Variants in HS6ST3 observed in about 807,000 individuals in gnomAD.
HS6ST3 encodes heparan sulfate 6-O-sulfotransferase 3, also known as heparan-sulfate 6-O-sulfotransferase 3.
HS6ST3 carries 12 observed loss-of-function variants against 36.7 expected under a neutral mutation model. That is an observed-to-expected ratio of 0.33 (90% CI 0.21 to 0.53). The LOEUF is 0.53. Ranked by LOEUF, HS6ST3 falls within the 20% of genes least tolerant of loss-of-function variation. HS6ST3 has a pLI of 0.95. For missense variants in HS6ST3, 584 were observed against 640.9 expected, an observed-to-expected ratio of 0.91 and a Z score of 0.96; for synonymous variants, 240 against 257.5, an observed-to-expected ratio of 0.93 and a Z score of 0.65.
In HS6ST3 at chr13:96,303,650, A is replaced by G. The variant is rs912800660; in HGVS notation, c.707+212081A>G. Reference sequence around the variant, plus strand: ...AACACAGGCCTGTATGGCACAGGAAAGATGCCTGAGATCTGAAAAAATATC... The same window carrying G: ...AACACAGGCCTGTATGGCACAGGAAGGATGCCTGAGATCTGAAAAAATATC... On this transcript the variant is annotated intron_variant, in intron 1 of 1. Transcript: ENST00000376705. Among the ~76,000 whole-genome samples the G allele has an allele frequency of 2.0e-5, 3 of 152,346 alleles. 1 individual carries two copies. The highest frequency in any genetic ancestry group is 2.0e-4 in the Admixed American group (3 of 15,308).
chr13:96,512,771 G>T (rs901064174), intron 1 of HS6ST3, among the ~76,000 whole-genome samples: 3 of 151,826 alleles, frequency 2.0e-5, no homozygotes, highest in African/African-American at 7.3e-5. Context: ...AATTCCAGTG[G>T]TTTATCTGTT....
chr13:96,595,625 T>C (rs1371489623), intron 1 of HS6ST3, among the ~76,000 whole-genome samples: 2 of 152,134 alleles, frequency 1.3e-5, no homozygotes, highest in Non-Finnish European at 2.9e-5. Flanking sequence ...ATAAGCTTTA[T>C]AGCCCTTTAT....
intron 1 of HS6ST3, among the ~76,000 whole-genome samples, chr13:96,267,477 T>A (rs2054698065): frequency 6.6e-6 from 1 of 152,232 alleles, no homozygotes; most frequent in Non-Finnish European, 1.5e-5. Flanking sequence ...TAAGCTATTT[T>A]ATTTCTACTT....
intron 1 of HS6ST3, among the ~76,000 whole-genome samples, chr13:96,128,098 A>G (rs143783537): frequency 2.3e-4 from 35 of 152,306 alleles, no homozygotes; most frequent in African/African-American, 7.9e-4. Flanking sequence ...TGATTACTGT[A>G]TGTTAAGTAC....
rs2053760686 is a variant in HS6ST3, at chr13:96,091,096, C to T, written c.234C>T (p.Pro78=). 2 of 1,348,880 alleles carry T rather than the reference C, an allele frequency of 1.5e-6. No homozygotes were observed. Among genetic ancestry groups the T allele is most frequent in the Non-Finnish European group, 1.9e-6 (2 of 1,057,006 alleles). The allele number at this position is 1,348,880 out of a possible 1,614,324, so 83.6% of individuals were successfully genotyped here. A position where few individuals can be genotyped will look rare whatever the true frequency, so the allele number is the denominator to read the frequency against. ...AGTTGCCCCCGCCGCCCCGGGGGCCCCCCGAGGGACCTCGGGGGGCCGCGG... is the reference window on the plus strand; with the variant it reads ...AGTTGCCCCCGCCGCCCCGGGGGCCTCCCGAGGGACCTCGGGGGGCCGCGG... ...RPQLPPPPRG[P]PEGPRGAAAP... The change falls in exon 1 of 2, where the codon CCC becomes CCT. Residue 78 remains proline, a synonymous_variant. Coordinates refer to ENST00000376705, the MANE Select transcript of HS6ST3 (RefSeq NM_153456.4).
At chr13:96,166,829 G>A (rs932167103) in intron 1 of HS6ST3, among the ~76,000 whole-genome samples, 8 of 152,168 alleles carry the variant, frequency 5.3e-5, no homozygotes, top group African/African-American at 1.4e-4. Context: ...GCAGGGACCA[G>A]TGGGAGGTAA....
intron 1 of HS6ST3, among the ~76,000 whole-genome samples, chr13:96,280,902 C>G (rs1400206837): frequency 6.6e-6 from 1 of 152,170 alleles, no homozygotes; most frequent in Non-Finnish European, 1.5e-5. Flanking sequence ...AGATTCAAGT[C>G]AAAGTAACAA....
intron 1 of HS6ST3, among the ~76,000 whole-genome samples, chr13:96,733,055 T>C (rs1876200306): frequency 6.6e-6 from 1 of 152,210 alleles, no homozygotes; most frequent in Non-Finnish European, 1.5e-5. Flanking sequence ...TAGGGTTTCC[T>C]ATATAAGATG....
At chr13:96,765,603 T>TCC (rs1483806747) in intron 1 of HS6ST3, among the ~76,000 whole-genome samples, 1 of 148,132 alleles carries the variant, frequency 6.8e-6, no homozygotes, top group Non-Finnish European at 1.5e-5. Flanking sequence ...TCTCTCTCTC[T>TCC]CTCTCTCTCT....
At chr13:96,633,796 C>T (rs918957592) in intron 1 of HS6ST3, among the ~76,000 whole-genome samples, 10 of 152,196 alleles carry the variant, frequency 6.6e-5, no homozygotes, top group Middle Eastern at 3.4e-3. Context: ...AGAATGGGAA[C>T]GACATTGTCC....
intron 1 of HS6ST3, among the ~76,000 whole-genome samples, chr13:96,385,406 C>T (rs1008312986): frequency 1.3e-5 from 2 of 152,196 alleles, no homozygotes; most frequent in African/African-American, 4.8e-5. Context: ...GTTATAGGAA[C>T]ATGTTAAAAT....
chr13:96,522,543 T>G (rs2138928378), intron 1 of HS6ST3, among the ~76,000 whole-genome samples: 1 of 152,354 alleles, frequency 6.6e-6, no homozygotes, highest in South Asian at 2.1e-4. Flanking sequence ...CTGTATTGGG[T>G]GCATAGGTAT....
intron 1 of HS6ST3, among the ~76,000 whole-genome samples, chr13:96,718,097 A>G (rs2138466476): frequency 6.6e-6 from 1 of 152,198 alleles, no homozygotes; most frequent in Admixed American, 6.5e-5. Flanking sequence ...AATCGTGGAG[A>G]TGTCCTGAAT....
chr13:96,347,211 A>G (rs1393067724), intron 1 of HS6ST3, among the ~76,000 whole-genome samples: 1 of 152,148 alleles, frequency 6.6e-6, no homozygotes, highest in African/African-American at 2.4e-5. Context: ...TCAAGCTGCT[A>G]AGTTTTATGA....
At chr13:96,278,346 A>G (rs2139392283) in intron 1 of HS6ST3, among the ~76,000 whole-genome samples, 1 of 152,268 alleles carries the variant, frequency 6.6e-6, no homozygotes, top group South Asian at 2.1e-4. Flanking sequence ...CAGGGAAGAA[A>G]GGCAGCACAC....
intron 1 of HS6ST3, among the ~76,000 whole-genome samples, chr13:96,525,742 C>T (rs944139030): frequency 3.9e-5 from 6 of 152,262 alleles, no homozygotes; most frequent in South Asian, 2.1e-4. Flanking sequence ...TAGGAATGAA[C>T]GTGATGAGAA....
At chr13:96,705,516 C>A (rs1293501003) in intron 1 of HS6ST3, among the ~76,000 whole-genome samples, 2 of 152,050 alleles carry the variant, frequency 1.3e-5, no homozygotes. Context: ...AGATACTGAG[C>A]CTTAGGGGAC....
intron 1 of HS6ST3, among the ~76,000 whole-genome samples, chr13:96,677,414 G>C (rs1029664040): frequency 4.6e-5 from 7 of 152,068 alleles, no homozygotes; most frequent in Non-Finnish European, 8.8e-5. Context: ...TAGGATATGA[G>C]TAGGCTGGTC....
At chr13:96,178,335 T>G (rs1220084797) in intron 1 of HS6ST3, among the ~76,000 whole-genome samples, 1 of 152,214 alleles carries the variant, frequency 6.6e-6, no homozygotes, top group Non-Finnish European at 1.5e-5. Flanking sequence ...CCTTCTTCTC[T>G]GTGATGAGGG....
Sources: gnomAD v4.1 joint callset for allele counts (sites outside exome capture counted in the v4.1 genomes callset) on GRCh38, gnomAD v4.1.1 for gene constraint, MANE v1.5 for transcripts, NCBI Gene and HGNC (gene_info 2026-07-23, HGNC 2026-07-21) for gene names.